ERAP2: variants seen among roughly 807,000 people sequenced by gnomAD.
ERAP2 encodes the protein leukocyte-derived arginine aminopeptidase.
In ERAP2, 118 loss-of-function variants were observed where a neutral mutation model predicts 111.1. The observed-to-expected ratio is 1.06, with a 90% confidence interval of 0.92 to 1.24. ERAP2 has a LOEUF of 1.24. Ranked by LOEUF, ERAP2 falls within the 50% of genes most tolerant of loss-of-function variation. The pLI is 0.00. For missense variants in ERAP2, 1,131 were observed against 1,125.8 expected, an observed-to-expected ratio of 1.00 and a Z score of -0.07; for synonymous variants, 410 against 401.2, an observed-to-expected ratio of 1.02 and a Z score of -0.26.
At chr5:96,889,331 C>T in intron 5 of ERAP2, 26 bp downstream of exon 5, 5 of 1,613,314 alleles carry the variant, frequency 3.1e-6, no homozygotes, top group Non-Finnish European at 4.2e-6. Flanking sequence ...ACATTATTGT[C>T]TTCATTTTTG....
chr5:96,895,388 A>T (rs1352248533), intron 7 of ERAP2, 29 bp downstream of exon 7: 2 of 1,368,648 alleles, frequency 1.5e-6, no homozygotes, highest in African/African-American at 2.9e-5. Flanking sequence ...GTATCATACT[A>T]TATGGTGTAA....
intron 9 of ERAP2, among the ~76,000 whole-genome samples, chr5:96,899,415 C>T (rs138681752): frequency 6.6e-6 from 1 of 152,234 alleles, no homozygotes; most frequent in East Asian, 1.9e-4. Context: ...CACATAAAGT[C>T]AATTCTAATA....
At chr5:96,887,094 T>C (rs78445959) in intron 4 of ERAP2, among the ~76,000 whole-genome samples, 12,823 of 115,324 alleles carry the variant, frequency 0.11, 768 homozygotes, top group South Asian at 0.16. Context: ...TATATATATA[T>C]ATATATACAC....
intron 12 of ERAP2, 102 bp from the exon 13 acceptor site, chr5:96,903,275 T>G: frequency 1.1e-6 from 1 of 916,020 alleles, no homozygotes; most frequent in Non-Finnish European, 1.6e-6. Flanking sequence ...AACTTCATCT[T>G]CCCATTGATT....
chr5:96,915,173 A>G (rs537497797), intron 17 of ERAP2, among the ~76,000 whole-genome samples: 1 of 152,102 alleles, frequency 6.6e-6, no homozygotes, highest in Admixed American at 6.6e-5. Context: ...ATGCCCAGCT[A>G]ATTTTTTTGT....
rs1025976329 is a variant in ERAP2, at chr5:96,917,845, G to GC, written c.*241dup. 5.1e-6 allele frequency: 1 copy of GC among 196,642 alleles called. No individual in the cohort carries two copies. The highest frequency in any genetic ancestry group is 2.5e-5 in the African/African-American group (1 of 40,214). 12.2% of individuals were successfully genotyped at this position (196,642 alleles called of 1,614,324 possible). ...GGCATAAACCCGGGAGGTGGAGCTT[G>GC]CAGTGAGCCGAGATTGCACCACTGC... On this transcript the variant is annotated 3_prime_UTR_variant, in exon 19 of 19. Coordinates refer to ENST00000437043, the MANE Select transcript of ERAP2 (RefSeq NM_022350.5).
At chr5:96,898,572 C>CAAAAAAAAAAAA (rs770783071) in intron 9 of ERAP2, among the ~76,000 whole-genome samples, 8 of 94,382 alleles carry the variant, frequency 8.5e-5, no homozygotes, top group African/African-American at 1.3e-4. Context: ...TACTAAAATA[C>CAAAAAAAAAAAA]AAAAAAAAAA....
In ERAP2 at chr5:96,903,561, G is replaced by A. The variant is rs770919213; in HGVS notation, c.2012+1G>A. ...TTCATGATGTGTTTCAGCTAGTTGG[G>A]TAAGGCAACATTTCCTCTGACTTCA... On this transcript the variant is annotated splice_donor_variant, in intron 13 of 18. Coordinates refer to ENST00000437043, the MANE Select transcript of ERAP2 (RefSeq NM_022350.5). LOFTEE classifies it high-confidence loss of function. 6 of 1,588,474 alleles carry A rather than the reference G, an allele frequency of 3.8e-6. No homozygotes were observed. The South Asian group carries it at 6.9e-5, about 18-fold the overall frequency.
At chr5:96,895,402 A>AT (rs764842366) in intron 7 of ERAP2, 43 bp downstream of exon 7, 1 of 1,292,438 alleles carries the variant, frequency 7.7e-7, no homozygotes. Flanking sequence ...GGTGTAAAGA[A>AT]TCATCAATTC....
chr5:96,890,332 G>A (rs1039351738), intron 5 of ERAP2, among the ~76,000 whole-genome samples: 5 of 152,056 alleles, frequency 3.3e-5, no homozygotes, highest in Non-Finnish European at 7.4e-5. Context: ...CCTCACATGC[G>A]CAGTTCACAA....
At chr5:96,890,969 C>A (rs565720570) in intron 5 of ERAP2, among the ~76,000 whole-genome samples, 2 of 152,248 alleles carry the variant, frequency 1.3e-5, no homozygotes, top group Non-Finnish European at 2.9e-5. Context: ...AAGAAGCATG[C>A]AGCTTAGGAA....
rs555284745 is a variant in ERAP2, at chr5:96,891,074, T to C, written c.971-1225T>C. Among the ~76,000 whole-genome samples, 9 of 152,296 alleles carry C rather than the reference T, an allele frequency of 5.9e-5. No individual in the cohort carries two copies. In the South Asian group the frequency reaches 1.7e-3, roughly 28 times the overall value. ...CATTTGAAGTGCTAACGAATACTAA[T>C]CTTTATTAGCGCTAATTTAGTTTTT... On this transcript the variant is annotated intron_variant, in intron 5 of 18. Coordinates refer to ENST00000437043, the MANE Select transcript of ERAP2 (RefSeq NM_022350.5).
rs752928054 is a variant in ERAP2, at chr5:96,880,039, G to A, written c.354G>A (p.Thr118=). 1.1e-5 allele frequency: 18 copies of A among 1,613,990 alleles called. No homozygotes were observed. Among genetic ancestry groups the A allele is most frequent in the Middle Eastern group, 3.3e-4 (2 of 6,082 alleles). The part of the protein sequence containing the change: ...IILHSKDLEI[T]NATLQSEEDS... The stretch of plus-strand genomic sequence containing the variant: ...TGCACAGCAAAGATCTTGAAATCAC[G>A]AATGCCACCCTTCAGTCAGAGGAAG... The change falls in exon 2 of 19, where the codon ACG becomes ACA. Residue 118 remains threonine, a synonymous_variant. Coordinates refer to ENST00000437043, the MANE Select transcript of ERAP2 (RefSeq NM_022350.5).
chr5:96,906,979 G>A (rs1209908447), intron 13 of ERAP2, among the ~76,000 whole-genome samples: 1 of 152,188 alleles, frequency 6.6e-6, no homozygotes, highest in African/African-American at 2.4e-5. Context: ...AGTGAGCCAA[G>A]ATTGTGCCAT....
chr5:96,881,642 A>G (rs77709362), intron 2 of ERAP2, among the ~76,000 whole-genome samples: 2,266 of 152,300 alleles, frequency 0.015, 64 homozygotes, highest in African/African-American at 0.052. Flanking sequence ...AGTGCTGTTC[A>G]GAGTCATCCA....
At chr5:96,910,851 T>C (rs1206613042) in intron 15 of ERAP2, among the ~76,000 whole-genome samples, 2 of 152,238 alleles carry the variant, frequency 1.3e-5, no homozygotes, top group Non-Finnish European at 2.9e-5. Flanking sequence ...TAGTTGCACA[T>C]TTCCTTTATG....
chr5:96,876,130 G>A (rs1266229470), upstream of ERAP2: 1 of 152,610 alleles, frequency 6.6e-6, no homozygotes, highest in Non-Finnish European at 1.5e-5. Context: ...ATGGGCAGAA[G>A]TCAGATTTCA....
intron 15 of ERAP2, among the ~76,000 whole-genome samples, chr5:96,911,065 AT>A (rs1786681276): frequency 6.6e-6 from 1 of 152,244 alleles, no homozygotes; most frequent in Non-Finnish European, 1.5e-5. Context: ...TTAAGTACAT[AT>A]AGTATAGAGG....
At position 96,880,309 on chromosome 5, in the gene ERAP2, C is replaced by T. The variant is rs750786882; in HGVS notation, c.575+49C>T. On this transcript the variant is annotated intron_variant, in intron 2 of 18. Coordinates refer to ENST00000437043, the MANE Select transcript of ERAP2 (RefSeq NM_022350.5). Reference sequence around the variant, plus strand: ...ACATTCTTTTGTGATAATTTCCTTACGAGTTACATCTCTTTGCCAGGAGCA... The same window carrying T: ...ACATTCTTTTGTGATAATTTCCTTATGAGTTACATCTCTTTGCCAGGAGCA... 1.9e-5 allele frequency: 28 copies of T among 1,482,222 alleles called. No individual in the cohort carries two copies. The Admixed American group carries it at 2.5e-4, about 13-fold the overall frequency. 91.8% of individuals were successfully genotyped at this position (1,482,222 alleles called of 1,614,324 possible).
Sources: gnomAD v4.1 joint callset for allele counts (sites outside exome capture counted in the v4.1 genomes callset) on GRCh38, gnomAD v4.1.1 for gene constraint, MANE v1.5 for transcripts, NCBI Gene and HGNC (gene_info 2026-07-23, HGNC 2026-07-21) for gene names.